The following PALLD variants were observed in gnomAD, a reference collection of about 807,000 sequenced individuals.
PALLD encodes palladin.
A neutral mutation model predicts 123.5 loss-of-function variants in PALLD; 61 were observed. The ratio of observed to expected loss-of-function variants is 0.49; its 90% CI spans 0.40 to 0.61. PALLD has a LOEUF of 0.61. Ranked by LOEUF, PALLD falls within the 20% of genes least tolerant of loss-of-function variation. The pLI, the probability that PALLD is intolerant of heterozygous loss-of-function variation, is 0.00. For synonymous variants in PALLD, 465 were observed against 496.4 expected, an observed-to-expected ratio of 0.94 and a Z score of 0.84; for missense variants, 1,273 against 1,377.0, an observed-to-expected ratio of 0.92 and a Z score of 1.20.
At chr4:168,808,743 G>A (rs994852746) in intron 10 of PALLD, among the ~76,000 whole-genome samples, 15 of 152,138 alleles carry the variant, frequency 9.9e-5, no homozygotes, top group South Asian at 4.1e-4. Context: ...CATGAGAGCC[G>A]ATGGAAACGA....
intron 2 of PALLD, among the ~76,000 whole-genome samples, chr4:168,515,701 G>T (rs1013145924): frequency 1.3e-5 from 2 of 152,164 alleles, no homozygotes; most frequent in Non-Finnish European, 2.9e-5. Context: ...TGGAACACGG[G>T]GGAGAAACCT....
In PALLD at chr4:168,926,639, GT is replaced by G. The variant is rs1461410430; in HGVS notation, c.*460del. The G allele has an allele frequency of 5.2e-6, 2 of 388,316 alleles. No individual in the cohort carries two copies. The highest frequency in any genetic ancestry group is 4.0e-5 in the African/African-American group (2 of 49,384). The allele number at this position is 388,316 out of a possible 1,614,324, so 24.1% of individuals were successfully genotyped here. A position where few individuals can be genotyped will look rare whatever the true frequency, so the allele number is the denominator to read the frequency against. ...AAACTTTGGAATTGCTGTGATTAAAGTGATCAAAATGCCAAAATACTAAAGG... is the reference window on the plus strand; with the variant it reads ...AAACTTTGGAATTGCTGTGATTAAAGGATCAAAATGCCAAAATACTAAAGG... On this transcript the variant is annotated 3_prime_UTR_variant, in exon 22 of 22. Transcript: ENST00000505667.
chr4:168,674,109 T>A (rs1435464211), intron 3 of PALLD, among the ~76,000 whole-genome samples: 2 of 152,120 alleles, frequency 1.3e-5, no homozygotes, highest in Admixed American at 1.3e-4. Flanking sequence ...AAGATGGGGT[T>A]TTGCCATGGT....
At chr4:168,842,574 G>T (rs1210769736) in intron 10 of PALLD, among the ~76,000 whole-genome samples, 2 of 152,188 alleles carry the variant, frequency 1.3e-5, no homozygotes, top group Non-Finnish European at 2.9e-5. Flanking sequence ...TGATGGGCTG[G>T]TAGCTCTCAT....
chr4:168,505,686 G>T (rs1761929382), intron 1 of PALLD, among the ~76,000 whole-genome samples: 1 of 152,194 alleles, frequency 6.6e-6, no homozygotes. Flanking sequence ...CTAAACCAGA[G>T]GCTGCTGTGA....
chr4:168,668,143 A>G, intron 2 of PALLD, 47 bp from the exon 3 acceptor site: 1 of 1,464,980 alleles, frequency 6.8e-7, no homozygotes, highest in Non-Finnish European at 9.6e-7. Flanking sequence ...AAACATCACC[A>G]TTTCCTTTCT....
chr4:168,579,891 G>T (rs892893173), intron 2 of PALLD, among the ~76,000 whole-genome samples: 2 of 151,638 alleles, frequency 1.3e-5, no homozygotes, highest in Admixed American at 1.3e-4. Flanking sequence ...TGTGTGTGTG[G>T]TGAGAATACT....
chr4:168,569,362 C>A (rs112705241), intron 2 of PALLD, among the ~76,000 whole-genome samples: 1 of 152,092 alleles, frequency 6.6e-6, no homozygotes, highest in African/African-American at 2.4e-5. Context: ...GACTCTCATT[C>A]GCCTTCTCAT....
intron 15 of PALLD, among the ~76,000 whole-genome samples, chr4:168,910,220 CTTTT>C (rs70961563): frequency 2.4e-3 from 270 of 113,966 alleles, no homozygotes; most frequent in Non-Finnish European, 3.9e-3. Context: ...AACCTGTTTA[CTTTT>C]TTTTTTTTTT....
Position 168,709,120 on chromosome 4 carries a change from A to G in PALLD, c.1594A>G (p.Ser532Gly). 1 of 1,614,050 alleles carries G rather than the reference A, an allele frequency of 6.2e-7. No homozygotes were observed. The highest frequency in any genetic ancestry group is 8.5e-7 in the Non-Finnish European group (1 of 1,179,978). Residue 532 changes from serine (S) to glycine (G), a missense_variant, in exon 9 of 22, where the codon AGC (serine) becomes GGC (glycine). Around this residue, in one of 2 missense-constraint regions of PALLD, gnomAD observed 944 missense variants for 954.5 expected, o/e 0.99. Coordinates refer to ENST00000505667, the MANE Select transcript of PALLD (RefSeq NM_001166108.2). ...SARNDYGSATSTAQLVVTSAN... is the reference protein window; with the variant it reads ...SARNDYGSATGTAQLVVTSAN... ...AAGAAATGATTATGGATCAGCAACC[A>G]GCACTGCCCAGCTGGTTGTCACCTC... is the stretch of plus-strand genomic sequence containing the variant.
chr4:168,921,545 A>G lies in PALLD; in HGVS notation c.2862A>G (p.Leu954=), dbSNP rs1306143762. Residue 954 remains leucine (L), a synonymous_variant, in exon 18 of 22, where the codon TTA becomes TTG. Coordinates refer to ENST00000505667, the MANE Select transcript of PALLD (RefSeq NM_001166108.2). ...LCRMDCKVSG[L]PTPDLSWQLD... ...CTTTTATGATTTAGGTCAGTGGGTT[A>G]CCAACCCCAGATCTAAGCTGGCAAC... 1.9e-6 allele frequency: 3 copies of G among 1,603,554 alleles called. No homozygotes were observed. The Admixed American group carries it at 5.1e-5, about 27-fold the overall frequency.
chr4:168,715,704 A>T (rs1785281558), intron 10 of PALLD, among the ~76,000 whole-genome samples: 1 of 152,164 alleles, frequency 6.6e-6, no homozygotes, highest in Non-Finnish European at 1.5e-5. Context: ...TAATCCCAGT[A>T]CTTTGGAAGG....
intron 10 of PALLD, among the ~76,000 whole-genome samples, chr4:168,763,777 G>C (rs1391831210): frequency 1.3e-5 from 2 of 152,116 alleles, no homozygotes; most frequent in Non-Finnish European, 2.9e-5. Flanking sequence ...ATCAGGTTCA[G>C]AAATCCAGAA....
chr4:168,530,945 C>T (rs1182862296), intron 2 of PALLD, among the ~76,000 whole-genome samples: 2 of 152,208 alleles, frequency 1.3e-5, no homozygotes, highest in African/African-American at 4.8e-5. Flanking sequence ...TGTCCCCCTC[C>T]TCTGAAGTCT....
chr4:168,699,601 A>G (rs771092407), intron 8 of PALLD, among the ~76,000 whole-genome samples: 6 of 152,016 alleles, frequency 3.9e-5, no homozygotes, highest in Admixed American at 2.6e-4. Flanking sequence ...GAACCCAGTA[A>G]TCTTATCCTT....
intron 10 of PALLD, among the ~76,000 whole-genome samples, chr4:168,885,618 A>G (rs1455234153): frequency 1.3e-5 from 2 of 152,212 alleles, no homozygotes; most frequent in Non-Finnish European, 2.9e-5. Context: ...CCAGCCACGT[A>G]CATTTGCAAA....
chr4:168,642,095 T>G (rs573157429), intron 2 of PALLD, among the ~76,000 whole-genome samples: 4 of 152,298 alleles, frequency 2.6e-5, no homozygotes, highest in African/African-American at 4.8e-5. Flanking sequence ...CCCAGGGCAC[T>G]TAGGGATTGT....
intron 10 of PALLD, among the ~76,000 whole-genome samples, chr4:168,793,426 C>G (rs1233878774): frequency 6.6e-6 from 1 of 150,790 alleles, no homozygotes; most frequent in African/African-American, 2.4e-5. Flanking sequence ...AGAATGGAGA[C>G]CAGTGCTTTA....
intron 10 of PALLD, among the ~76,000 whole-genome samples, chr4:168,834,011 G>C (rs1402260372): frequency 6.7e-6 from 1 of 149,542 alleles, no homozygotes; most frequent in African/African-American, 2.5e-5. Context: ...CAATCCCTAA[G>C]CTTTACTTAT....
Sources: gnomAD v4.1 joint callset for allele counts (sites outside exome capture counted in the v4.1 genomes callset) on GRCh38, gnomAD v4.1.1 for gene constraint, gnomAD v4.1.1 regional missense constraint, MANE v1.5 for transcripts, NCBI Gene and HGNC (gene_info 2026-07-23, HGNC 2026-07-21) for gene names.